FGGY: variants seen among roughly 807,000 people sequenced by gnomAD.
FGGY encodes the protein FGGY carbohydrate kinase domain-containing protein.
In FGGY, 72 loss-of-function variants were observed where a neutral mutation model predicts 71.3. The observed-to-expected ratio is 1.01, with a 90% CI of 0.84 to 1.23. FGGY has a LOEUF of 1.23. FGGY is among the 50% of genes most tolerant of loss of function. The pLI, the probability that FGGY is intolerant of heterozygous loss-of-function variation, is 0.00. For synonymous variants in FGGY, 251 were observed against 250.3 expected (o/e 1.00, Z -0.02); for missense variants, 668 against 682.3 (o/e 0.98, Z 0.23).
chr1:59,401,797 GAA>G (rs2062000264), intron 5 of FGGY, among the ~76,000 whole-genome samples: 1 of 152,174 alleles, frequency 6.6e-6, no homozygotes, highest in Non-Finnish European at 1.5e-5. Context: ...GACTCAATGT[GAA>G]AAGTCTTGTG....
chr1:59,448,802 A>T (rs1022793485), intron 5 of FGGY, among the ~76,000 whole-genome samples: 4 of 152,198 alleles, frequency 2.6e-5, no homozygotes, highest in African/African-American at 9.6e-5. Flanking sequence ...TAGAGCATCA[A>T]GAAATAAAAT....
chr1:59,471,240 C>G (rs1000931055), intron 6 of FGGY, among the ~76,000 whole-genome samples: 17 of 152,124 alleles, frequency 1.1e-4, no homozygotes, highest in Non-Finnish European at 2.4e-4. Context: ...TGGCATTTTC[C>G]CTGCTTGTTC....
chr1:59,684,947 T>C (rs897315697), intron 14 of FGGY, among the ~76,000 whole-genome samples: 1 of 152,256 alleles, frequency 6.6e-6, no homozygotes, highest in African/African-American at 2.4e-5. Flanking sequence ...TCATTTGATC[T>C]TCACCACAAC....
chr1:59,346,472 AGGCACCCTGC>A, intron 4 of FGGY, 74 bp downstream of exon 4: 1 of 1,520,176 alleles, frequency 6.6e-7, no homozygotes, highest in South Asian at 1.2e-5. Flanking sequence ...TGTAGGTACC[AGGCACCCTGC>A]TAAAATCGGT....
intron 14 of FGGY, among the ~76,000 whole-genome samples, chr1:59,708,857 C>T (rs2097774019): frequency 3.9e-5 from 6 of 152,186 alleles, no homozygotes; most frequent in Admixed American, 3.3e-4. Flanking sequence ...AGGAAATGCT[C>T]ATTGGAGCAT....
chr1:59,436,136 G>A (rs2068411059), intron 5 of FGGY, among the ~76,000 whole-genome samples: 2 of 152,240 alleles, frequency 1.3e-5, no homozygotes, highest in South Asian at 4.1e-4. Context: ...TCTGGCCCCT[G>A]TAGCACTTCT....
At chr1:59,609,906 A>G (rs1433214262) in intron 9 of FGGY, among the ~76,000 whole-genome samples, 1 of 152,214 alleles carries the variant, frequency 6.6e-6, no homozygotes, top group Non-Finnish European at 1.5e-5. Context: ...AGGAGCTCAT[A>G]CTTGGATGGG....
At chr1:59,456,350 A>C (rs2153510955) in intron 5 of FGGY, among the ~76,000 whole-genome samples, 1 of 152,254 alleles carries the variant, frequency 6.6e-6, no homozygotes, top group African/African-American at 2.4e-5. Flanking sequence ...CAAGGTTATA[A>C]TTTCTAATTA....
chr1:59,428,521 G>T (rs1050578473), intron 5 of FGGY, among the ~76,000 whole-genome samples: 1 of 152,230 alleles, frequency 6.6e-6, no homozygotes, highest in African/African-American at 2.4e-5. Flanking sequence ...TCAGAAAGGT[G>T]ATTGAGAGAT....
At chr1:59,443,323 A>G (rs1303786777) in intron 5 of FGGY, among the ~76,000 whole-genome samples, 1 of 152,216 alleles carries the variant, frequency 6.6e-6, no homozygotes, top group Non-Finnish European at 1.5e-5. Flanking sequence ...CACTAGGCCA[A>G]TTGGCAGACA....
intron 5 of FGGY, among the ~76,000 whole-genome samples, chr1:59,405,995 A>G (rs1349150176): frequency 6.6e-6 from 1 of 151,898 alleles, no homozygotes; most frequent in Non-Finnish European, 1.5e-5. Flanking sequence ...AAGAAAAACT[A>G]GAGAACAATA....
At chr1:59,432,478 GTAGT>G (rs1220827997) in intron 5 of FGGY, among the ~76,000 whole-genome samples, 1 of 132,750 alleles carries the variant, frequency 7.5e-6, no homozygotes, top group Non-Finnish European at 1.6e-5. Flanking sequence ...CTTACTCCAG[GTAGT>G]TAGTTTAGAA....
At chr1:59,551,484 G>T (rs2095606896) in intron 7 of FGGY, among the ~76,000 whole-genome samples, 2 of 152,114 alleles carry the variant, frequency 1.3e-5, no homozygotes, top group South Asian at 4.1e-4. Flanking sequence ...ACCTATTTAT[G>T]ATACTGTGGA....
chr1:59,591,837 T>C (rs976221546), intron 8 of FGGY, among the ~76,000 whole-genome samples: 1 of 152,188 alleles, frequency 6.6e-6, no homozygotes, highest in African/African-American at 2.4e-5. Flanking sequence ...ATAAAAACCC[T>C]AGAAGAAAAA....
intron 9 of FGGY, among the ~76,000 whole-genome samples, chr1:59,617,178 A>C (rs77451126): frequency 0.053 from 8,053 of 152,138 alleles, 520 homozygotes; most frequent in African/African-American, 0.15. Flanking sequence ...CAACGATGCC[A>C]CACAGTCATA....
chr1:59,506,494 A>G (rs1322129765), intron 6 of FGGY, among the ~76,000 whole-genome samples: 1 of 152,226 alleles, frequency 6.6e-6, no homozygotes, highest in Non-Finnish European at 1.5e-5. Context: ...GGGGAAAAAC[A>G]TCTTTTAAAA....
At chr1:59,539,468 A>G (rs955673735) in intron 7 of FGGY, among the ~76,000 whole-genome samples, 1 of 152,332 alleles carries the variant, frequency 6.6e-6, no homozygotes, top group African/African-American at 2.4e-5. Context: ...ATGGACAGTT[A>G]ATTTGTGGCA....
intron 15 of FGGY, among the ~76,000 whole-genome samples, chr1:59,762,066 ATTTTT>A (rs3990362): frequency 0.062 from 8,727 of 141,430 alleles, 325 homozygotes; most frequent in Admixed American, 0.1. Flanking sequence ...TCATTTAGGA[ATTTTT>A]TTTTTTTTTT....
intron 14 of FGGY, among the ~76,000 whole-genome samples, chr1:59,756,887 A>G (rs185570985): frequency 7.0e-6 from 1 of 142,654 alleles, no homozygotes; most frequent in Non-Finnish European, 1.5e-5. Flanking sequence ...CATATTCTGT[A>G]TGGTATTCAG....
Sources: allele counts gnomAD v4.1 joint callset (sites outside exome capture counted in the v4.1 genomes callset), GRCh38; gene constraint gnomAD v4.1.1; transcripts MANE v1.5; gene names NCBI Gene and HGNC (gene_info 2026-07-23, HGNC 2026-07-21).